ROBO1: variants seen among roughly 807,000 people sequenced by gnomAD.
ROBO1 encodes the protein roundabout homolog 1.
Under a neutral mutation model 195.9 loss-of-function variants are expected in ROBO1, and 149 were observed. The observed-to-expected ratio is 0.76, with a 90% CI of 0.67 to 0.87. The LOEUF is 0.87. ROBO1 is among the 40% of genes least tolerant of loss of function. The probability of loss-of-function intolerance (pLI) is 0.00; values close to 1 mark genes in which losing one functional copy is unlikely to be tolerated. For missense variants in ROBO1, 1,933 were observed against 2,068.3 expected (o/e 0.93, Z 1.27); for synonymous variants, 816 against 733.2 (o/e 1.11, Z -1.82).
chr3:78,770,267 C>G (rs2083338765), intron 4 of ROBO1, among the ~76,000 whole-genome samples: 1 of 152,138 alleles, frequency 6.6e-6, no homozygotes, highest in Admixed American at 6.5e-5. Flanking sequence ...ATTTCCTATT[C>G]TCTGCAATCT....
chr3:79,219,414 A>G (rs1362242913), intron 2 of ROBO1, among the ~76,000 whole-genome samples: 1 of 152,030 alleles, frequency 6.6e-6, no homozygotes, highest in Non-Finnish European at 1.5e-5. Flanking sequence ...AGCTTGTACC[A>G]TGTAAATGTG....
At chr3:78,715,390 T>C (rs2081876215) in intron 7 of ROBO1, 1 of 152,210 alleles carries the variant, frequency 6.6e-6, no homozygotes, top group Non-Finnish European at 1.5e-5. Context: ...AATTTCTCTT[T>C]ACTGTTGAGC....
At chr3:79,335,923 G>T (rs2034647357) in intron 2 of ROBO1, among the ~76,000 whole-genome samples, 1 of 152,216 alleles carries the variant, frequency 6.6e-6, no homozygotes, top group Non-Finnish European at 1.5e-5. Flanking sequence ...GGTCTCAGAT[G>T]AAGCTGAGGA....
At chr3:79,453,470 C>A (rs2039513824) in intron 2 of ROBO1, among the ~76,000 whole-genome samples, 1 of 151,992 alleles carries the variant, frequency 6.6e-6, no homozygotes, top group Non-Finnish European at 1.5e-5. Context: ...CAAATTAAGA[C>A]AAAATCCTAG....
At chr3:79,664,986 T>C (rs545143734) in intron 1 of ROBO1, among the ~76,000 whole-genome samples, 3 of 152,148 alleles carry the variant, frequency 2.0e-5, no homozygotes, top group Non-Finnish European at 4.4e-5. Flanking sequence ...TATATATTAA[T>C]ATTAGTTTGA....
chr3:78,968,271 C>CTTTTT (rs35361494), intron 3 of ROBO1, among the ~76,000 whole-genome samples: 3 of 119,458 alleles, frequency 2.5e-5, no homozygotes, highest in Non-Finnish European at 5.2e-5. Context: ...TGTATAGATT[C>CTTTTT]TTTTTTTTTT....
intron 2 of ROBO1, among the ~76,000 whole-genome samples, chr3:79,299,642 GAT>G (rs1487205215): frequency 6.6e-6 from 1 of 152,070 alleles, no homozygotes; most frequent in Non-Finnish European, 1.5e-5. Context: ...TTCTGCCTGA[GAT>G]AAAATAATAA....
intron 2 of ROBO1, among the ~76,000 whole-genome samples, chr3:79,556,544 T>A (rs1576018473): frequency 6.6e-6 from 1 of 152,198 alleles, no homozygotes; most frequent in East Asian, 1.9e-4. Flanking sequence ...AGGTAATTAC[T>A]TTTTAGAACT....
intron 2 of ROBO1, among the ~76,000 whole-genome samples, chr3:79,323,517 C>A: frequency 6.6e-6 from 1 of 152,104 alleles, no homozygotes; most frequent in East Asian, 1.9e-4. Flanking sequence ...TCTATGCATG[C>A]GTGTGTTCAT....
In ROBO1 at chr3:79,374,116, A is replaced by G. The variant is rs1018586918; in HGVS notation, c.88+215708T>C. On this transcript the variant is annotated intron_variant, in intron 2 of 30. Transcript: ENST00000464233. ...AGGGCATTTTAAAAAGTGGAGCAAA[A>G]GATAAAGTATCAGTCATGGAACCTC... 2.0e-5 allele frequency among the ~76,000 whole-genome samples: 3 copies of G among 152,304 alleles called. No homozygotes were observed. In the South Asian group the frequency reaches 6.2e-4, roughly 32 times the overall value.
chr3:78,684,591 A>G (rs1026600698), intron 10 of ROBO1, among the ~76,000 whole-genome samples: 1 of 152,136 alleles, frequency 6.6e-6, no homozygotes, highest in Non-Finnish European at 1.5e-5. Context: ...AAGAAAATGT[A>G]ATTTGGGGAG....
chr3:79,526,223 C>T (rs547009217), intron 2 of ROBO1, among the ~76,000 whole-genome samples: 20 of 152,200 alleles, frequency 1.3e-4, no homozygotes, highest in African/African-American at 4.6e-4. Flanking sequence ...TTAAAGTTAA[C>T]ATTTTGCTCG....
intron 2 of ROBO1, among the ~76,000 whole-genome samples, chr3:79,284,959 TA>T (rs2031794511): frequency 6.6e-6 from 1 of 152,186 alleles, no homozygotes; most frequent in Non-Finnish European, 1.5e-5. Flanking sequence ...TCAAACATTT[TA>T]ACCACATCCG....
intron 1 of ROBO1, among the ~76,000 whole-genome samples, chr3:79,632,732 T>C (rs1449651803): frequency 6.6e-6 from 1 of 152,128 alleles, no homozygotes; most frequent in Non-Finnish European, 1.5e-5. Flanking sequence ...GTTAAGCATC[T>C]ACTTCAGCAA....
At chr3:79,324,080 G>T (rs1017873348) in intron 2 of ROBO1, among the ~76,000 whole-genome samples, 2 of 152,070 alleles carry the variant, frequency 1.3e-5, no homozygotes, top group Non-Finnish European at 2.9e-5. Flanking sequence ...AACCCAGTGG[G>T]TAGTTTAATG....
At chr3:78,659,911 A>G in intron 16 of ROBO1, 104 bp from the exon 17 acceptor site, 1 of 740,414 alleles carries the variant, frequency 1.4e-6, no homozygotes, top group Non-Finnish European at 1.9e-6. Context: ...TACTATATCA[A>G]TATATGCTTT....
At chr3:79,765,123 T>C (rs1235591896) in intron 1 of ROBO1, among the ~76,000 whole-genome samples, 1 of 152,176 alleles carries the variant, frequency 6.6e-6, no homozygotes, top group Non-Finnish European at 1.5e-5. Flanking sequence ...GAAGCAAGGC[T>C]CCACCAGGGA....
At chr3:78,982,252 GGTATATAA>G (rs1204132348) in intron 3 of ROBO1, among the ~76,000 whole-genome samples, 1 of 152,014 alleles carries the variant, frequency 6.6e-6, no homozygotes, top group Non-Finnish European at 1.5e-5. Flanking sequence ...TATGAAGAGG[GGTATATAA>G]GTACCTAAAT....
Position 79,583,817 on chromosome 3 carries a change from T to C in ROBO1, c.88+6007A>G, listed in dbSNP as rs1424539773. Among the ~76,000 whole-genome samples the C allele has an allele frequency of 2.0e-5, 3 of 152,120 alleles. No individual in the cohort carries two copies. In the East Asian group the frequency reaches 5.8e-4, roughly 29 times the overall value. ...GTAATTTTAACAACTGTGAATTGCA[T>C]GTGCACATAGCTGGTCATCATATAA... On this transcript the variant is annotated intron_variant, in intron 2 of 30. Coordinates refer to ENST00000464233, the MANE Select transcript of ROBO1 (RefSeq NM_002941.4).
Sources: gnomAD v4.1 joint callset for allele counts (sites outside exome capture counted in the v4.1 genomes callset) on GRCh38, gnomAD v4.1.1 for gene constraint, MANE v1.5 for transcripts, NCBI Gene and HGNC (gene_info 2026-07-23, HGNC 2026-07-21) for gene names.